The following RNF180 variants were observed in gnomAD, a reference collection of about 807,000 sequenced individuals.
RNF180 encodes ring finger protein 180.
A neutral mutation model predicts 59.2 loss-of-function variants in RNF180; 38 were observed. The observed-to-expected ratio is 0.64, with a 90% confidence interval of 0.50 to 0.84. The LOEUF (loss-of-function observed/expected upper bound fraction) is 0.84. RNF180 is among the 40% of genes least tolerant of loss of function. The probability of loss-of-function intolerance (pLI) is 0.00; values close to 1 mark genes in which losing one functional copy is unlikely to be tolerated. For missense variants in RNF180, 705 were observed against 700.9 expected, an observed-to-expected ratio of 1.01 and a Z score of -0.07; for synonymous variants, 262 against 240.3, an observed-to-expected ratio of 1.09 and a Z score of -0.84.
At chr5:64,246,506 T>A (rs1743174961) in intron 5 of RNF180, among the ~76,000 whole-genome samples, 2 of 151,920 alleles carry the variant, frequency 1.3e-5, no homozygotes, top group African/African-American at 4.8e-5. Context: ...AACTAGAAAA[T>A]CTAGAAGAAA....
chr5:64,355,041 A>C (rs1214257523), intron 7 of RNF180, among the ~76,000 whole-genome samples: 1 of 151,938 alleles, frequency 6.6e-6, no homozygotes, highest in Non-Finnish European at 1.5e-5. Flanking sequence ...AACCACTGCT[A>C]TTCAACATTG....
intron 1 of RNF180, among the ~76,000 whole-genome samples, chr5:64,170,859 A>G (rs1434522732): frequency 1.3e-5 from 2 of 152,174 alleles, no homozygotes; most frequent in African/African-American, 4.8e-5. Context: ...GGGATTCAAG[A>G]GCAGTCTTTC....
At chr5:64,239,635 A>G (rs1481117628) in intron 5 of RNF180, among the ~76,000 whole-genome samples, 2 of 152,180 alleles carry the variant, frequency 1.3e-5, no homozygotes, top group African/African-American at 4.8e-5. Context: ...TTTGGCAGAT[A>G]GAACAGTTTA....
In RNF180 at chr5:64,176,946, C is replaced by T. The variant is rs141539528; in HGVS notation, c.-1+10993C>T. Among the ~76,000 whole-genome samples the T allele has an allele frequency of 4.9e-3, 741 of 152,184 alleles. 12 individuals carry two copies. The highest frequency in any genetic ancestry group is 0.016 in the African/African-American group (682 of 41,538). ...GAATGAAGAGAATAGACGTGTGGGC[C>T]AATGGTATTATAGGTAAATTGGGGG... On this transcript the variant is annotated intron_variant, in intron 1 of 7. Coordinates refer to ENST00000389100, the MANE Select transcript of RNF180 (RefSeq NM_001113561.2).
chr5:64,237,210 C>T (rs1421882814), intron 5 of RNF180, among the ~76,000 whole-genome samples: 4 of 152,214 alleles, frequency 2.6e-5, no homozygotes, highest in African/African-American at 4.8e-5. Context: ...ATTAGATCCA[C>T]AGGAGCAGAG....
chr5:64,219,751 C>G (rs186138052), intron 5 of RNF180, among the ~76,000 whole-genome samples: 405 of 152,034 alleles, frequency 2.7e-3, no homozygotes, highest in Non-Finnish European at 4.6e-3. Context: ...TATCTCCTGA[C>G]CTCATGATCC....
At chr5:64,228,305 G>A (rs932756612) in intron 5 of RNF180, among the ~76,000 whole-genome samples, 1 of 152,060 alleles carries the variant, frequency 6.6e-6, no homozygotes, top group African/African-American at 2.4e-5. Context: ...CTTGAGCCCA[G>A]GAGTTCAAGG....
chr5:64,297,979 A>G (rs1742971869), intron 5 of RNF180, among the ~76,000 whole-genome samples: 1 of 151,898 alleles, frequency 6.6e-6, no homozygotes, highest in Admixed American at 6.6e-5. Context: ...GGGGTTTGTT[A>G]TACAGATTAT....
intron 5 of RNF180, among the ~76,000 whole-genome samples, chr5:64,242,764 C>CAT (rs1742878128): frequency 6.6e-6 from 1 of 152,188 alleles, no homozygotes; most frequent in Admixed American, 6.5e-5. Flanking sequence ...TGCCTCAAGA[C>CAT]ATATAATAAT....
intron 2 of RNF180, among the ~76,000 whole-genome samples, chr5:64,205,845 C>T (rs1303570978): frequency 6.6e-6 from 1 of 151,456 alleles, no homozygotes; most frequent in Non-Finnish European, 1.5e-5. Flanking sequence ...GCAGTAGTTA[C>T]TATCATATAG....
intron 5 of RNF180, among the ~76,000 whole-genome samples, chr5:64,238,914 A>T: frequency 6.6e-6 from 1 of 152,048 alleles, no homozygotes; most frequent in Non-Finnish European, 1.5e-5. Flanking sequence ...TCCTAAGGAG[A>T]CCCTGAAGTT....
chr5:64,207,877 G>T (rs1179448945), intron 2 of RNF180, among the ~76,000 whole-genome samples: 4 of 151,924 alleles, frequency 2.6e-5, no homozygotes, highest in Non-Finnish European at 5.9e-5. Flanking sequence ...TTTTCCCTGT[G>T]GTGTTAGCTG....
intron 4 of RNF180, among the ~76,000 whole-genome samples, chr5:64,216,333 A>G (rs1378446974): frequency 4.6e-5 from 7 of 152,320 alleles, no homozygotes; most frequent in African/African-American, 1.4e-4. Flanking sequence ...TCTGAGATAA[A>G]TTAATGGCAT....
intron 5 of RNF180, among the ~76,000 whole-genome samples, chr5:64,265,920 T>C (rs765514589): frequency 7.9e-5 from 12 of 152,166 alleles, no homozygotes; most frequent in Non-Finnish European, 1.3e-4. Context: ...CAGTTCTCCT[T>C]CAAGAGGTCC....
chr5:64,370,943 T>C lies in RNF180; in HGVS notation c.*1129T>C, dbSNP rs747381866. On this transcript the variant is annotated 3_prime_UTR_variant, in exon 8 of 8. Transcript: ENST00000389100. ...ATCTGGTAATTCAATAAGCAAACTT[T>C]TACATAAAATAGGTGACTCTCTCGT... 5.3e-5 allele frequency: 8 copies of C among 151,644 alleles called. No homozygotes were observed. The highest frequency in any genetic ancestry group is 1.2e-4 in the Non-Finnish European group (8 of 67,732). The allele number at this position is 151,644 out of a possible 1,614,324, so 9.4% of individuals were successfully genotyped here. A position where few individuals can be genotyped will look rare whatever the true frequency, so the allele number is the denominator to read the frequency against.
chr5:64,209,261 C>T (rs1337833412), intron 2 of RNF180, among the ~76,000 whole-genome samples: 1 of 151,982 alleles, frequency 6.6e-6, no homozygotes, highest in Non-Finnish European at 1.5e-5. Flanking sequence ...CTACCTACAA[C>T]TGTGACTCCA....
intron 5 of RNF180, among the ~76,000 whole-genome samples, chr5:64,314,552 A>G (rs528725339): frequency 6.6e-6 from 1 of 152,190 alleles, no homozygotes; most frequent in Non-Finnish European, 1.5e-5. Flanking sequence ...TTCCTTTACA[A>G]TCTTAAAATT....
chr5:64,276,374 G>GGTT (rs1741720920), intron 5 of RNF180, among the ~76,000 whole-genome samples: 1 of 145,352 alleles, frequency 6.9e-6, no homozygotes. Context: ...AAACCACATT[G>GGTT]GTGTGTGTGT....
intron 2 of RNF180, among the ~76,000 whole-genome samples, chr5:64,211,123 A>G (rs1752291091): frequency 6.6e-6 from 1 of 152,062 alleles, no homozygotes; most frequent in Non-Finnish European, 1.5e-5. Flanking sequence ...GGTTTTTCAG[A>G]CCAGCTGGTG....
Sources: gnomAD v4.1 joint callset for allele counts (sites outside exome capture counted in the v4.1 genomes callset) on GRCh38, gnomAD v4.1.1 for gene constraint, MANE v1.5 for transcripts, NCBI Gene and HGNC (gene_info 2026-07-23, HGNC 2026-07-21) for gene names.